The following PATJ variants were observed in gnomAD, a reference collection of about 807,000 sequenced individuals.
PATJ encodes the protein inaD-like protein.
A neutral mutation model predicts 224.9 loss-of-function variants in PATJ; 190 were observed. The ratio of observed to expected loss-of-function variants is 0.84; its 90% CI spans 0.75 to 0.95. PATJ has a LOEUF of 0.95. PATJ is among the 40% of genes least tolerant of loss of function. The pLI, the probability that PATJ is intolerant of heterozygous loss-of-function variation, is 0.00. For synonymous variants in PATJ, 769 were observed against 820.3 expected (o/e 0.94, Z 1.07); for missense variants, 2,121 against 2,270.3 (o/e 0.93, Z 1.34).
intron 20 of PATJ, among the ~76,000 whole-genome samples, chr1:61,872,828 G>A: frequency 6.6e-6 from 1 of 152,184 alleles, no homozygotes; most frequent in East Asian, 1.9e-4. Context: ...GACTTTTCAA[G>A]CCTGTGCTGT....
chr1:61,872,083 T>G (rs1241173914), intron 20 of PATJ, among the ~76,000 whole-genome samples: 1 of 152,122 alleles, frequency 6.6e-6, no homozygotes, highest in Non-Finnish European at 1.5e-5. Flanking sequence ...AATTTTCTTC[T>G]TCTTCATTTA....
intron 31 of PATJ, among the ~76,000 whole-genome samples, chr1:62,076,557 A>G (rs1026261540): frequency 1.3e-5 from 2 of 152,220 alleles, no homozygotes; most frequent in South Asian, 2.1e-4. Flanking sequence ...GCCAGCCTCT[A>G]TGTATATATG....
intron 7 of PATJ, among the ~76,000 whole-genome samples, chr1:61,784,816 G>T (rs1287428334): frequency 6.6e-6 from 1 of 152,164 alleles, no homozygotes; most frequent in African/African-American, 2.4e-5. Flanking sequence ...CAGAATATCA[G>T]ATTATCACTA....
intron 24 of PATJ, 47 bp from the exon 25 acceptor site, chr1:61,908,325 A>G (rs1241494591): frequency 7.9e-7 from 1 of 1,260,728 alleles, no homozygotes; most frequent in South Asian, 1.2e-5. Flanking sequence ...ACCTGTCCAC[A>G]ATATCTAGTG....
intron 17 of PATJ, among the ~76,000 whole-genome samples, chr1:61,848,992 T>C (rs1456015810): frequency 3.3e-5 from 5 of 152,222 alleles, no homozygotes; most frequent in Non-Finnish European, 5.9e-5. Flanking sequence ...AATTTGTGTG[T>C]AGTCCCTTTA....
At chr1:62,075,873 G>C (rs957009756) in intron 31 of PATJ, among the ~76,000 whole-genome samples, 3 of 150,566 alleles carry the variant, frequency 2.0e-5, no homozygotes, top group Non-Finnish European at 2.9e-5. Context: ...ACCAGAGATC[G>C]CGCCACTGCA....
intron 27 of PATJ, chr1:61,951,969 G>T: frequency 6.0e-6 from 1 of 166,902 alleles, no homozygotes; most frequent in Non-Finnish European, 1.3e-5. Flanking sequence ...ATTAATTGAA[G>T]CTGGCCACAA....
chr1:61,811,045 G>A (rs1026638219), intron 14 of PATJ, among the ~76,000 whole-genome samples: 1 of 152,096 alleles, frequency 6.6e-6, no homozygotes, highest in Non-Finnish European at 1.5e-5. Context: ...GAATTTCATA[G>A]CTGTGTAATC....
chr1:61,810,823 C>T (rs1654610514), intron 14 of PATJ, among the ~76,000 whole-genome samples: 1 of 152,172 alleles, frequency 6.6e-6, no homozygotes. Flanking sequence ...AGTCAGGAGG[C>T]TGAGGCAGGA....
chr1:61,770,910 TG>T (rs1488184526), intron 5 of PATJ, among the ~76,000 whole-genome samples: 5 of 128,788 alleles, frequency 3.9e-5, no homozygotes, highest in African/African-American at 5.7e-5. Flanking sequence ...AGACCATGCC[TG>T]AAAAAAAAAA....
chr1:62,106,309 TA>T (rs879297668), intron 33 of PATJ, among the ~76,000 whole-genome samples: 91 of 136,404 alleles, frequency 6.7e-4, no homozygotes, highest in Admixed American at 8.3e-4. Flanking sequence ...CATCTCTACT[TA>T]AAAAAAAAAA....
At chr1:61,824,022 G>C (rs998706138) in intron 15 of PATJ, among the ~76,000 whole-genome samples, 6 of 152,098 alleles carry the variant, frequency 3.9e-5, no homozygotes, top group Non-Finnish European at 7.4e-5. Flanking sequence ...GTTTCTTATT[G>C]CAGATTAATG....
At chr1:62,021,740 A>C (rs1388210222) in intron 29 of PATJ, among the ~76,000 whole-genome samples, 1 of 152,164 alleles carries the variant, frequency 6.6e-6, no homozygotes, top group African/African-American at 2.4e-5. Context: ...ATTATTTATT[A>C]TAAGAATCCT....
chr1:62,128,711 G>C (rs1665972495), intron 40 of PATJ, 130 bp from the exon 41 acceptor site: 1 of 676,640 alleles, frequency 1.5e-6, no homozygotes, highest in Non-Finnish European at 2.7e-6. Context: ...GAACATGCAT[G>C]CACGGTAGTA....
intron 27 of PATJ, among the ~76,000 whole-genome samples, chr1:61,965,308 G>T (rs1681971018): frequency 6.6e-6 from 1 of 151,702 alleles, no homozygotes; most frequent in African/African-American, 2.4e-5. Flanking sequence ...AGGATTCAAT[G>T]AAAAAAACAT....
At chr1:61,920,162 C>T (rs1431530385) in intron 26 of PATJ, among the ~76,000 whole-genome samples, 1 of 152,066 alleles carries the variant, frequency 6.6e-6, no homozygotes, top group East Asian at 1.9e-4. Flanking sequence ...ATTTTTATAT[C>T]ATCCTTGGGA....
At chr1:61,758,590 G>A (rs1253601904) in intron 1 of PATJ, among the ~76,000 whole-genome samples, 5 of 151,894 alleles carry the variant, frequency 3.3e-5, no homozygotes, top group South Asian at 4.2e-4. Flanking sequence ...CAAGTGATCC[G>A]CCCACCTTGA....
intron 28 of PATJ, among the ~76,000 whole-genome samples, chr1:62,008,876 T>C (rs1442239504): frequency 1.3e-5 from 2 of 151,674 alleles, no homozygotes; most frequent in African/African-American, 2.4e-5. Context: ...AGATAATAAA[T>C]AGATATTTGG....
intron 1 of PATJ, among the ~76,000 whole-genome samples, chr1:61,743,487 G>A (rs928301053): frequency 1.3e-4 from 20 of 152,140 alleles, no homozygotes; most frequent in African/African-American, 4.8e-4. Flanking sequence ...TTAGGGTCTG[G>A]CTATTGGTAG....
Sources: allele counts gnomAD v4.1 joint callset (sites outside exome capture counted in the v4.1 genomes callset), GRCh38; gene constraint gnomAD v4.1.1; transcripts MANE v1.5; gene names NCBI Gene and HGNC (gene_info 2026-07-23, HGNC 2026-07-21).